PANK4: variants seen among roughly 807,000 people sequenced by gnomAD.
The protein encoded by PANK4 is pantothenate kinase 4 (inactive), also known as 4'-phosphopantetheine phosphatase.
A neutral mutation model predicts 87.9 loss-of-function variants in PANK4; 40 were observed. That is an observed-to-expected ratio of 0.46 (90% CI 0.35 to 0.59). The LOEUF (loss-of-function observed/expected upper bound fraction) is 0.59. Among genes scored for constraint, PANK4 ranks in the 20% least tolerant of loss-of-function variants. PANK4 has a pLI of 0.00. For synonymous variants in PANK4, 524 were observed against 467.4 expected, an observed-to-expected ratio of 1.12 and a Z score of -1.56; for missense variants, 926 against 1,072.3, an observed-to-expected ratio of 0.86 and a Z score of 1.90.
In PANK4 at chr1:2,508,967, G is replaced by A; in HGVS notation, c.2202C>T (p.Tyr734=). 1.2e-6 allele frequency: 2 copies of A among 1,609,900 alleles called. No individual in the cohort carries two copies. The highest frequency in any genetic ancestry group is 1.7e-6 in the Non-Finnish European group (2 of 1,179,052). Residue 734 remains tyrosine (Y), a synonymous_variant, in exon 19 of 19, where the codon TAC becomes TAT. Coordinates refer to ENST00000378466, the MANE Select transcript of PANK4 (RefSeq NM_018216.4). This position sits in a 1 kb window ranked among gnomAD's most constrained non-coding sequence, Gnocchi z 5.1. ...GGCTCTCGCAGCGCAGGGCTGCGTG[G>A]TAGTTTGTGTGGACAGCACGGCCCA... ...EGMGRAVHTN[Y]HAALRCESLK... is the part of the protein sequence containing the mutation.
At chr1:2,521,862 C>T (rs1643878387) in intron 1 of PANK4, 62 bp from the exon 2 acceptor site, 1 of 1,262,772 alleles carries the variant, frequency 7.9e-7, no homozygotes, top group African/African-American at 1.5e-5. Context: ...CCTGGGGGTC[C>T]ATGCCCCACA....
chr1:2,515,727 A>G lies in PANK4; in HGVS notation c.1219-10T>C. The G allele has an allele frequency of 6.2e-7, 1 of 1,612,042 alleles. No individual in the cohort carries two copies. ...TTTCCAGCAAGTCAAACTGGAAGACAGGCAGTGGCAGGGTGGAAACGTCAC... is the reference window on the plus strand; with the variant it reads ...TTTCCAGCAAGTCAAACTGGAAGACGGGCAGTGGCAGGGTGGAAACGTCAC... On this transcript the variant is annotated splice_polypyrimidine_tract_variant and intron_variant, in intron 9 of 18. Coordinates refer to ENST00000378466, the MANE Select transcript of PANK4 (RefSeq NM_018216.4). The surrounding 1 kb of genome is among the most constrained non-coding windows in gnomAD (Gnocchi z 5.0).
chr1:2,520,173 G>C lies in PANK4; in HGVS notation c.699+149C>G. On this transcript the variant is annotated intron_variant, in intron 5 of 18. Transcript: ENST00000378466. The surrounding 1 kb of genome is among the most constrained non-coding windows in gnomAD (Gnocchi z 6.2). ...GGACACCCAACCCTCAGGGCGCAAA[G>C]AGTGAAGCCGCAGAGGCCAGAGACC... 1 of 803,364 alleles carries C rather than the reference G, an allele frequency of 1.2e-6. No homozygotes were observed. The allele number at this position is 803,364 out of a possible 1,614,324, so 49.8% of individuals were successfully genotyped here. A position where few individuals can be genotyped will look rare whatever the true frequency, so the allele number is the denominator to read the frequency against.
chr1:2,526,543 A>C lies in PANK4; in HGVS notation c.45T>G (p.Ser15Arg). The change falls in exon 1 of 19, where the codon AGT becomes AGG. Residue 15 changes from serine to arginine, a missense_variant. Ser to Arg is a moderately radical substitution (Grantham distance 110). Coordinates refer to ENST00000378466, the MANE Select transcript of PANK4 (RefSeq NM_018216.4). Reference sequence around the variant, plus strand: ...GGGGCAGCGTGATGCTCTTGTCCAGACTGTCCCCGCTGCTCCCGCTGCCGC... The same window carrying C: ...GGGGCAGCGTGATGCTCTTGTCCAGCCTGTCCCCGCTGCTCCCGCTGCCGC... The part of the protein sequence containing the change: ...GASGSGSSGD[S>R]LDKSITLPPD... 1 of 1,601,292 alleles carries C rather than the reference A, an allele frequency of 6.2e-7. No homozygotes were observed. Among genetic ancestry groups the C allele is most frequent in the Middle Eastern group, 1.7e-4 (1 of 6,002 alleles).
rs571433918 is a variant in PANK4 at position 2,519,907 on chromosome 1, A to G, written c.747T>C (p.Asn249=). The G allele has an allele frequency of 7.7e-6, 12 of 1,567,646 alleles. No homozygotes were observed. The South Asian group carries it at 1.3e-4, about 17-fold the overall frequency. The change falls in exon 6 of 19, where the codon AAT becomes AAC. Residue 249 remains asparagine, a synonymous_variant. Transcript: ENST00000378466. The surrounding 1 kb of genome is among the most constrained non-coding windows in gnomAD (Gnocchi z 8.3). ...AGACGTCCCGCACCAGCATGTCCACATTGCTGTGCTGGCCCCTCGAGGCCA... is the reference window on the plus strand; with the variant it reads ...AGACGTCCCGCACCAGCATGTCCACGTTGCTGTGCTGGCCCCTCGAGGCCA... ...LHLASRGQHS[N]VDMLVRDVYG... is the part of the protein sequence containing the mutation.
chr1:2,517,324 AAAACT>A (rs1643799068), intron 9 of PANK4, among the ~76,000 whole-genome samples: 1 of 152,256 alleles, frequency 6.6e-6, no homozygotes, highest in African/African-American at 2.4e-5. Context: ...CTGAGAAGCC[AAAACT>A]CAACAAGTCG....
rs2494613 is a variant in PANK4, at chr1:2,513,204, G to C, written c.1576-165C>G. Among the ~76,000 whole-genome samples, 1,494 of 152,368 alleles carry C rather than the reference G, an allele frequency of 9.8e-3. 26 individuals are homozygous for C. Among genetic ancestry groups the C allele is most frequent in the African/African-American group, 0.034 (1,405 of 41,582 alleles). On this transcript the variant is annotated intron_variant, in intron 12 of 18. Transcript: ENST00000378466. ...GCCTATCGGTCCGGGACAGTGGCCA[G>C]CGCACAGCTGCACGGGGCTCTGAGG...
chr1:2,508,728 G>A lies in PANK4; in HGVS notation c.*119C>T. 1.5e-6 allele frequency: 1 copy of A among 666,268 alleles called. No individual in the cohort carries two copies. Among genetic ancestry groups the A allele is most frequent in the Non-Finnish European group, 2.7e-6 (1 of 371,634 alleles). 41.3% of individuals were successfully genotyped at this position (666,268 alleles called of 1,614,324 possible). ...TCACACGCATCTGTGCGGCTGGGGT[G>A]TATGTGCCGCGTCACAGCAGTACCA... is the stretch of plus-strand genomic sequence containing the variant. On this transcript the variant is annotated 3_prime_UTR_variant, in exon 19 of 19. Transcript: ENST00000378466. This position sits in a 1 kb window ranked among gnomAD's most constrained non-coding sequence, Gnocchi z 5.1.
At chr1:2,513,924 G>T in intron 12 of PANK4, 78 bp downstream of exon 12, 2 of 1,091,200 alleles carry the variant, frequency 1.8e-6, no homozygotes, top group Non-Finnish European at 2.8e-6. Context: ...CCCCGAGCCA[G>T]CGGGACAGAG....
At position 2,519,817 on chromosome 1, in the gene PANK4, C is replaced by T. The variant is rs758722675; in HGVS notation, c.837G>A (p.Ser279=). ...GGTGAGCACCTTGGTCGGCGGTGGC[C>T]GACTTCCCGAAGCTGCTGGCGATGA... The part of the protein sequence containing the change: ...GNLIASSFGK[S]ATADQEFSKE... Residue 279 remains serine, a synonymous_variant, in exon 6 of 19, where the codon TCG becomes TCA. Coordinates refer to ENST00000378466, the MANE Select transcript of PANK4 (RefSeq NM_018216.4). The surrounding 1 kb of genome is among the most constrained non-coding windows in gnomAD (Gnocchi z 8.3). The T allele has an allele frequency of 2.2e-5, 34 of 1,579,440 alleles. No individual in the cohort carries two copies. The highest frequency in any genetic ancestry group is 1.6e-4 in the African/African-American group (12 of 74,310).
At position 2,515,652 on chromosome 1, in the gene PANK4, C is replaced by T. The variant is rs150307735; in HGVS notation, c.1284G>A (p.Pro428=). ...PLVDLPLLLD[P]PSYVPDTVDL... Reference sequence around the variant, plus strand: ...CCACCGTGTCGGGCACGTAGGAGGGCGGGTCCAGGAGGAGCGGCAGGTCAA... The same window carrying T: ...CCACCGTGTCGGGCACGTAGGAGGGTGGGTCCAGGAGGAGCGGCAGGTCAA... The change falls in exon 10 of 19, where the codon CCG becomes CCA. Residue 428 remains proline (P), a synonymous_variant. Transcript: ENST00000378466. This position sits in a 1 kb window ranked among gnomAD's most constrained non-coding sequence, Gnocchi z 5.0. 1.7e-4 allele frequency: 273 copies of T among 1,613,130 alleles called. 1 individual carries two copies. Among genetic ancestry groups the T allele is most frequent in the Non-Finnish European group, 2.0e-4 (240 of 1,179,874 alleles).
intron 11 of PANK4, 126 bp downstream of exon 11, chr1:2,514,228 C>A: frequency 9.1e-7 from 1 of 1,097,176 alleles, no homozygotes; most frequent in East Asian, 2.4e-5. Flanking sequence ...GGGGGCTGTG[C>A]CGCCAGGGCC....
rs772628334 is a variant in PANK4 at position 2,519,274 on chromosome 1, C to T, written c.904G>A (p.Asp302Asn). The T allele has an allele frequency of 1.2e-6, 2 of 1,612,246 alleles. No homozygotes were observed. Among genetic ancestry groups the T allele is most frequent in the South Asian group, 1.1e-5 (1 of 91,062 alleles). Residue 302 changes from aspartate (D) to asparagine (N), a missense_variant, in exon 7 of 19, where the codon GAC becomes AAC. Asp to Asn is a conservative substitution (Grantham distance 23). Transcript: ENST00000378466. This position sits in a 1 kb window ranked among gnomAD's most constrained non-coding sequence, Gnocchi z 8.3. ...AKSLLHMISN[D>N]IGQLACLHAR... ...TGGAGGCAGGCCAGCTGCCCAATGT[C>T]GTTGCTGATCATGTGCAGCAGGCTC...
Position 2,509,202 on chromosome 1 carries a change from G to A in PANK4, c.2109-142C>T. 1 of 651,114 alleles carries A rather than the reference G, an allele frequency of 1.5e-6. No individual in the cohort carries two copies. Among genetic ancestry groups the A allele is most frequent in the Non-Finnish European group, 2.6e-6 (1 of 380,204 alleles). 40.3% of individuals were successfully genotyped at this position (651,114 alleles called of 1,614,324 possible). On this transcript the variant is annotated intron_variant, in intron 18 of 18. Coordinates refer to ENST00000378466, the MANE Select transcript of PANK4 (RefSeq NM_018216.4). This position sits in a 1 kb window ranked among gnomAD's most constrained non-coding sequence, Gnocchi z 4.9. The stretch of plus-strand genomic sequence containing the variant: ...AGGCCTCCAAACCCAGCCTCCGCCT[G>A]GTAGCTGCCTCAGCCTGGGGCTTCC...
chr1:2,510,296 G>T lies in PANK4; in HGVS notation c.1939-139C>A. 1.5e-6 allele frequency: 1 copy of T among 672,046 alleles called. No individual in the cohort carries two copies. The highest frequency in any genetic ancestry group is 1.8e-5 in the African/African-American group (1 of 56,460). The allele number at this position is 672,046 out of a possible 1,614,324, so 41.6% of individuals were successfully genotyped here. On this transcript the variant is annotated intron_variant, in intron 16 of 18. Coordinates refer to ENST00000378466, the MANE Select transcript of PANK4 (RefSeq NM_018216.4). The surrounding 1 kb of genome is among the most constrained non-coding windows in gnomAD (Gnocchi z 4.9). Reference sequence around the variant, plus strand: ...CTGGCCAGCCACCTGCTGCTGAGGAGCAGGGACCTCGCCTGACCTTGCCAC... The same window carrying T: ...CTGGCCAGCCACCTGCTGCTGAGGATCAGGGACCTCGCCTGACCTTGCCAC...
At chr1:2,513,510 C>T (rs536840231) in intron 12 of PANK4, among the ~76,000 whole-genome samples, 4 of 152,214 alleles carry the variant, frequency 2.6e-5, no homozygotes, top group South Asian at 2.1e-4. Context: ...GGAAGCAAAA[C>T]GGACGCCCGG....
chr1:2,511,259 T>C, intron 15 of PANK4, 79 bp downstream of exon 15: 1 of 991,484 alleles, frequency 1.0e-6, no homozygotes, highest in East Asian at 2.4e-5. Flanking sequence ...AGGCAGCCCA[T>C]GCCCACCTCC....
At chr1:2,513,954 C>A (rs984435634) in intron 12 of PANK4, 48 bp downstream of exon 12, 1 of 1,352,254 alleles carries the variant, frequency 7.4e-7, no homozygotes, top group Non-Finnish European at 1.1e-6. Context: ...GCGGTGCCAG[C>A]GGGACGGGGA....
Position 2,510,220 on chromosome 1 carries a change from AC to A in PANK4, c.1939-64del, listed in dbSNP as rs1216858760. 9.1e-7 allele frequency: 1 copy of A among 1,098,934 alleles called. No individual in the cohort carries two copies. The highest frequency in any genetic ancestry group is 1.4e-6 in the Non-Finnish European group (1 of 736,550). The allele number at this position is 1,098,934 out of a possible 1,614,324, so 68.1% of individuals were successfully genotyped here. On this transcript the variant is annotated intron_variant, in intron 16 of 18. Transcript: ENST00000378466. This position sits in a 1 kb window ranked among gnomAD's most constrained non-coding sequence, Gnocchi z 4.9. Reference sequence around the variant, plus strand: ...CTGGCCCAGCATGGAGCCTGCGTGCACCCCGGCCTTCGAGTGGCTGGGCTGG... The same window carrying A: ...CTGGCCCAGCATGGAGCCTGCGTGCACCCGGCCTTCGAGTGGCTGGGCTGG...
Sources: gnomAD v4.1 joint callset for allele counts (sites outside exome capture counted in the v4.1 genomes callset) on GRCh38, gnomAD v4.1.1 for gene constraint, Gnocchi (gnomAD v3.1) non-coding constraint, MANE v1.5 for transcripts, NCBI Gene and HGNC (gene_info 2026-07-23, HGNC 2026-07-21) for gene names.